Variants in PREX1 observed in about 807,000 individuals in gnomAD.
PREX1 encodes phosphatidylinositol-3,4,5-trisphosphate dependent Rac exchange factor 1.
PREX1 carries 41 observed loss-of-function variants against 198.3 expected under a neutral mutation model. The observed-to-expected ratio is 0.21, with a 90% CI of 0.16 to 0.27. The LOEUF is 0.27. Among genes scored for constraint, PREX1 ranks in the 10% least tolerant of loss-of-function variants. The pLI is 1.00. For synonymous variants in PREX1, 843 were observed against 887.2 expected (o/e 0.95, Z 0.89); for missense variants, 1,620 against 2,200.7 (o/e 0.74, Z 5.28).
At chr20:48,650,732 T>C (rs966451521) in intron 23 of PREX1, among the ~76,000 whole-genome samples, 162 bp downstream of exon 23, 2 of 152,250 alleles carry the variant, frequency 1.3e-5, no homozygotes, top group African/African-American at 4.8e-5. Context: ...TGCTATGATG[T>C]GATAAGTTCA....
chr20:48,652,198 G>A (rs1039914594), intron 21 of PREX1, among the ~76,000 whole-genome samples: 1 of 152,286 alleles, frequency 6.6e-6, no homozygotes, highest in South Asian at 2.1e-4. Flanking sequence ...CTGCGAGGCC[G>A]AGGCAAGAAG....
At chr20:48,702,462 G>A (rs761974161) in intron 6 of PREX1, among the ~76,000 whole-genome samples, 4 of 152,336 alleles carry the variant, frequency 2.6e-5, no homozygotes, top group Non-Finnish European at 4.4e-5. Flanking sequence ...GTCTTCCCTG[G>A]TACTTGGCTG....
chr20:48,656,956 A>G, intron 18 of PREX1, 84 bp downstream of exon 18: 1 of 1,468,044 alleles, frequency 6.8e-7, no homozygotes, highest in Non-Finnish European at 9.1e-7. Flanking sequence ...ACGGGGGACC[A>G]GGACAGTTCA....
chr20:48,754,323 G>A (rs1008704268), intron 1 of PREX1, among the ~76,000 whole-genome samples: 3 of 152,152 alleles, frequency 2.0e-5, no homozygotes, highest in Non-Finnish European at 2.9e-5. Flanking sequence ...AAAGCCACAC[G>A]GCTGGCAAGT....
At chr20:48,720,363 A>T (rs1263987872) in intron 5 of PREX1, among the ~76,000 whole-genome samples, 1 of 152,164 alleles carries the variant, frequency 6.6e-6, no homozygotes, top group Non-Finnish European at 1.5e-5. Context: ...TTCCAAGGGG[A>T]CAGGGGTTCA....
chr20:48,639,672 G>T (rs2089393175), intron 30 of PREX1, 94 bp downstream of exon 30: 1 of 1,524,458 alleles, frequency 6.6e-7, no homozygotes, highest in Non-Finnish European at 8.9e-7. Context: ...AGAAACAGGG[G>T]TCACAGAACT....
chr20:48,733,144 C>G (rs1436692084), intron 4 of PREX1, among the ~76,000 whole-genome samples: 1 of 152,178 alleles, frequency 6.6e-6, no homozygotes, highest in Non-Finnish European at 1.5e-5. Context: ...AATGACAATC[C>G]GTTTTATACA....
At chr20:48,804,831 A>G (rs114144908) in intron 1 of PREX1, among the ~76,000 whole-genome samples, 2,016 of 152,194 alleles carry the variant, frequency 0.013, 38 homozygotes, top group African/African-American at 0.046. Context: ...TAAGAGGAAG[A>G]GTGGCGTCAA....
rs747541835 is a variant in PREX1 at position 48,645,980 on chromosome 20, G to A, written c.3383C>T (p.Pro1128Leu). ...ASLAEEASSL[P>L]LVSEESEMDR... ...CATCTCGCTCTCTTCACTGACCAGG[G>A]GCAGGGAGGAGGCCTCCTCAGCCAA... is the stretch of plus-strand genomic sequence containing the variant. Residue 1128 changes from proline (P) to leucine (L), a missense_variant, in exon 26 of 40, where the codon CCC becomes CTC. Around this residue, in one of 7 missense-constraint regions of PREX1, gnomAD observed 514 missense variants for 611.6 expected, o/e 0.84. Coordinates refer to ENST00000371941, the MANE Select transcript of PREX1 (RefSeq NM_020820.4). 1 of 1,614,178 alleles carries A rather than the reference G, an allele frequency of 6.2e-7. No homozygotes were observed. Among genetic ancestry groups the A allele is most frequent in the Non-Finnish European group, 8.5e-7 (1 of 1,180,026 alleles).
At chr20:48,636,705 C>T (rs2089368082) in intron 31 of PREX1, 22 bp from the exon 32 acceptor site, 1 of 1,573,530 alleles carries the variant, frequency 6.4e-7, no homozygotes, top group South Asian at 1.1e-5. Flanking sequence ...GGGCAGGAGG[C>T]CTTGCTGGAG....
chr20:48,846,099 A>G, the PREX1 span, among the ~76,000 whole-genome samples: 8 of 152,360 alleles, frequency 5.3e-5, no homozygotes, highest in East Asian at 1.3e-3. Context: ...GGTCAGCACC[A>G]TAATCATTCC....
chr20:48,778,848 C>T (rs556896769), intron 1 of PREX1, among the ~76,000 whole-genome samples: 60 of 152,308 alleles, frequency 3.9e-4, no homozygotes, highest in Admixed American at 1.8e-3. Context: ...CTAAACTACA[C>T]ACTTCATACA....
intron 5 of PREX1, among the ~76,000 whole-genome samples, chr20:48,718,453 T>C (rs910604033): frequency 1.3e-5 from 2 of 150,888 alleles, no homozygotes; most frequent in Non-Finnish European, 3.0e-5. Context: ...ACTAAAACAA[T>C]CCAAAATAAA....
the PREX1 span, among the ~76,000 whole-genome samples, chr20:48,833,870 T>C: frequency 6.6e-6 from 1 of 151,716 alleles, no homozygotes; most frequent in East Asian, 1.9e-4. Context: ...GATAGCGAGG[T>C]GAGGAAATTG....
intron 1 of PREX1, among the ~76,000 whole-genome samples, chr20:48,756,641 A>G (rs2090156930): frequency 6.6e-6 from 1 of 152,202 alleles, no homozygotes; most frequent in Non-Finnish European, 1.5e-5. Flanking sequence ...CAAAGAACCT[A>G]CAACTGAGGC....
At chr20:48,821,091 A>G (rs1015293230) in intron 1 of PREX1, among the ~76,000 whole-genome samples, 2 of 152,138 alleles carry the variant, frequency 1.3e-5, no homozygotes, top group East Asian at 1.9e-4. Flanking sequence ...AGTCCCAGCT[A>G]TTCGGGAGGA....
chr20:48,841,485 C>T, the PREX1 span, among the ~76,000 whole-genome samples: 1 of 152,336 alleles, frequency 6.6e-6, no homozygotes, highest in East Asian at 1.9e-4. Context: ...TCTCCTTTCT[C>T]TAAATCTCTA....
At chr20:48,768,887 G>A (rs1336249460) in intron 1 of PREX1, among the ~76,000 whole-genome samples, 1 of 152,022 alleles carries the variant, frequency 6.6e-6, no homozygotes, top group Non-Finnish European at 1.5e-5. Flanking sequence ...TGATGCATAC[G>A]TAATCACCAA....
intron 7 of PREX1, among the ~76,000 whole-genome samples, chr20:48,693,527 C>T (rs1197184473): frequency 6.6e-6 from 1 of 152,242 alleles, no homozygotes; most frequent in Non-Finnish European, 1.5e-5. Context: ...ACCGAGTCTA[C>T]TAGCACCTTT....
Sources: allele counts gnomAD v4.1 joint callset (sites outside exome capture counted in the v4.1 genomes callset), GRCh38; gene constraint gnomAD v4.1.1; regional missense constraint gnomAD v4.1.1; transcripts MANE v1.5; gene names NCBI Gene and HGNC (gene_info 2026-07-23, HGNC 2026-07-21).